Variants in MC2R observed in about 807,000 individuals in gnomAD.
MC2R encodes adrenocorticotropic hormone receptor.
MC2R carries 9 observed loss-of-function variants against 9.8 expected under a neutral mutation model. That is an observed-to-expected ratio of 0.92 (90% CI 0.55 to 1.60). The LOEUF (loss-of-function observed/expected upper bound fraction) is 1.60. Ranked by LOEUF, MC2R falls within the 40% of genes most tolerant of loss-of-function variation. MC2R has a pLI of 0.00. For synonymous variants in MC2R, 185 were observed against 154.7 expected, an observed-to-expected ratio of 1.20 and a Z score of -1.45; for missense variants, 370 against 389.0, an observed-to-expected ratio of 0.95 and a Z score of 0.41.
intron 1 of MC2R, among the ~76,000 whole-genome samples, chr18:13,889,947 C>G (rs1159793327): frequency 6.6e-6 from 1 of 152,158 alleles, no homozygotes; most frequent in African/African-American, 2.4e-5. Flanking sequence ...TTGTGTTGCA[C>G]AGCTGGGATT....
intron 1 of MC2R, among the ~76,000 whole-genome samples, chr18:13,905,821 G>T (rs1322532937): frequency 6.6e-6 from 1 of 152,114 alleles, no homozygotes; most frequent in Non-Finnish European, 1.5e-5. Flanking sequence ...ACTTTGGAAG[G>T]CCGAGGTGGG....
At position 13,886,818 on chromosome 18, in the gene MC2R, T is replaced by A. The variant is rs1471111917; in HGVS notation, c.-128-1172A>T. ...AGGACAAATTTGGGAGCACAGCCTA[T>A]GATCTGAAGTCCACGGGGAGCCCAT... On this transcript the variant is annotated intron_variant, in intron 1 of 1. Coordinates refer to ENST00000327606, the MANE Select transcript of MC2R (RefSeq NM_000529.2). Among the ~76,000 whole-genome samples, 4 of 152,276 alleles carry A rather than the reference T, an allele frequency of 2.6e-5. No individual in the cohort carries two copies. In the East Asian group the frequency reaches 7.7e-4, roughly 29 times the overall value.
intron 1 of MC2R, among the ~76,000 whole-genome samples, chr18:13,896,661 G>A (rs936631293): frequency 6.6e-6 from 1 of 152,088 alleles, no homozygotes; most frequent in African/African-American, 2.4e-5. Context: ...TTGTAGCTAT[G>A]AAATGTGTTA....
intron 1 of MC2R, among the ~76,000 whole-genome samples, chr18:13,906,823 A>G (rs1269254888): frequency 6.6e-6 from 1 of 152,226 alleles, no homozygotes; most frequent in Admixed American, 6.5e-5. Context: ...TCAACCAAAG[A>G]AGTGAAAGAT....
chr18:13,894,136 T>TTGTGTG (rs35649882), intron 1 of MC2R, among the ~76,000 whole-genome samples: 8 of 148,956 alleles, frequency 5.4e-5, no homozygotes, highest in African/African-American at 1.2e-4. Context: ...GCATGTGTGT[T>TTGTGTG]TGTGTGTGTG....
rs370021107 is a variant in MC2R at position 13,885,462 on chromosome 18, G to A, written c.57C>T (p.Ser19=). ...CCGGCAAAACCACACGAGGACAGTC[G>A]GAATTATTTCTTGCTGTGTTGTTGA... ...ENINNTARNN[S]DCPRVVLPEE... Residue 19 remains serine, a synonymous_variant, in exon 2 of 2, where the codon TCC becomes TCT. Coordinates refer to ENST00000327606, the MANE Select transcript of MC2R (RefSeq NM_000529.2). 16 of 1,613,950 alleles carry A rather than the reference G, an allele frequency of 9.9e-6. No individual in the cohort carries two copies. Among genetic ancestry groups the A allele is most frequent in the South Asian group, 5.5e-5 (5 of 91,066 alleles).
intron 1 of MC2R, among the ~76,000 whole-genome samples, chr18:13,902,120 A>G (rs1364982254): frequency 2.4e-5 from 1 of 40,956 alleles, no homozygotes; most frequent in Non-Finnish European, 4.9e-5. Context: ...ACAATGTGAT[A>G]TATCATATCA....
chr18:13,909,183 C>T (rs1016043924), intron 1 of MC2R, among the ~76,000 whole-genome samples: 3 of 152,112 alleles, frequency 2.0e-5, no homozygotes, highest in Non-Finnish European at 4.4e-5. Context: ...AGGAGTACTG[C>T]TCAAACATTT....
At chr18:13,912,208 T>C (rs546935942) in intron 1 of MC2R, among the ~76,000 whole-genome samples, 5 of 152,152 alleles carry the variant, frequency 3.3e-5, no homozygotes, top group African/African-American at 9.7e-5. Context: ...ATGTTAAAGG[T>C]TGGAGACAGG....
chr18:13,891,211 T>C (rs1463062682), intron 1 of MC2R, among the ~76,000 whole-genome samples: 1 of 152,212 alleles, frequency 6.6e-6, no homozygotes, highest in Non-Finnish European at 1.5e-5. Context: ...ACCTTGCTCT[T>C]ATCTTGGAGG....
intron 1 of MC2R, among the ~76,000 whole-genome samples, chr18:13,897,824 A>G (rs991941308): frequency 6.6e-6 from 1 of 151,978 alleles, no homozygotes; most frequent in Non-Finnish European, 1.5e-5. Context: ...GGCAGCATTC[A>G]TCACCTGCTA....
At chr18:13,886,229 A>G (rs35599699) in intron 1 of MC2R, among the ~76,000 whole-genome samples, 3,412 of 152,354 alleles carry the variant, frequency 0.022, 109 homozygotes, top group African/African-American at 0.079. Flanking sequence ...AAAAATATAT[A>G]TAAAGTGTTG....
intron 1 of MC2R, among the ~76,000 whole-genome samples, chr18:13,895,457 G>A (rs1166075229): frequency 6.6e-6 from 1 of 152,178 alleles, no homozygotes; most frequent in Non-Finnish European, 1.5e-5. Flanking sequence ...AGTACTTGCA[G>A]GGTCAGAAGT....
intron 1 of MC2R, among the ~76,000 whole-genome samples, chr18:13,886,621 C>T (rs2149135565): frequency 6.6e-6 from 1 of 152,290 alleles, no homozygotes; most frequent in South Asian, 2.1e-4. Context: ...ATGTATCATT[C>T]CCAAAGATGA....
intron 1 of MC2R, among the ~76,000 whole-genome samples, chr18:13,894,134 G>T (rs1233346724): frequency 7.7e-6 from 1 of 130,078 alleles, no homozygotes; most frequent in Non-Finnish European, 1.6e-5. Flanking sequence ...AAGCATGTGT[G>T]TTTGTGTGTG....
At chr18:13,897,372 G>T (rs72874324) in intron 1 of MC2R, among the ~76,000 whole-genome samples, 2 of 152,162 alleles carry the variant, frequency 1.3e-5, no homozygotes, top group East Asian at 1.9e-4. Flanking sequence ...TTGAGTTCCC[G>T]CAAACCTTGC....
chr18:13,901,862 A>G (rs1008556090), intron 1 of MC2R, among the ~76,000 whole-genome samples: 1 of 152,166 alleles, frequency 6.6e-6, no homozygotes, highest in Admixed American at 6.5e-5. Context: ...GGAGGAAGGA[A>G]CACTTCCAAA....
In MC2R at chr18:13,882,047, T is replaced by C. The variant is rs2045234429; in HGVS notation, c.*2578A>G. 6.6e-6 allele frequency: 1 copy of C among 152,220 alleles called. No homozygotes were observed. The highest frequency in any genetic ancestry group is 1.5e-5 in the Non-Finnish European group (1 of 68,044). 9.4% of individuals were successfully genotyped at this position (152,220 alleles called of 1,614,324 possible). A position where few individuals can be genotyped will look rare whatever the true frequency, so the allele number is the denominator to read the frequency against. On this transcript the variant is annotated 3_prime_UTR_variant, in exon 2 of 2. Transcript: ENST00000327606. ...AAAATGAGGAGAGGAAGAGGAAACA[T>C]CCTTCCTTTTTTATTAGACAGGGCT... is the stretch of plus-strand genomic sequence containing the variant.
chr18:13,890,003 T>C (rs1249108023), intron 1 of MC2R, among the ~76,000 whole-genome samples: 1 of 152,184 alleles, frequency 6.6e-6, no homozygotes, highest in African/African-American at 2.4e-5. Context: ...TCTTAGCGCT[T>C]CCATGAATAT....
Sources: allele counts gnomAD v4.1 joint callset (sites outside exome capture counted in the v4.1 genomes callset), GRCh38; gene constraint gnomAD v4.1.1; transcripts MANE v1.5; gene names NCBI Gene and HGNC (gene_info 2026-07-23, HGNC 2026-07-21).